The following FRMD4A variants were observed in gnomAD, a reference collection of about 807,000 sequenced individuals.
The protein encoded by FRMD4A is FERM domain containing 4A, also known as FERM domain-containing protein 4A.
A neutral mutation model predicts 129.1 loss-of-function variants in FRMD4A; 29 were observed. That is an observed-to-expected ratio of 0.22 (90% CI 0.17 to 0.31). FRMD4A has a LOEUF of 0.31. Ranked by LOEUF, FRMD4A falls within the 10% of genes least tolerant of loss-of-function variation. The probability of loss-of-function intolerance (pLI) is 1.00; values close to 1 mark genes in which losing one functional copy is unlikely to be tolerated. For missense variants in FRMD4A, 1,272 were observed against 1,375.8 expected, an observed-to-expected ratio of 0.92 and a Z score of 1.19; for synonymous variants, 634 against 571.6, an observed-to-expected ratio of 1.11 and a Z score of -1.56.
chr10:13,994,149 C>G (rs1385375602), intron 2 of FRMD4A, among the ~76,000 whole-genome samples: 1 of 146,710 alleles, frequency 6.8e-6, no homozygotes, highest in African/African-American at 2.5e-5. Context: ...GCTGGGATGA[C>G]AGGAGTGTGC....
rs556447189 is a variant in FRMD4A at position 14,245,226 on chromosome 10, G to T, written c.45+84832C>A. Among the ~76,000 whole-genome samples the T allele has an allele frequency of 2.6e-5, 4 of 152,280 alleles. No homozygotes were observed. The South Asian group carries it at 8.3e-4, about 32-fold the overall frequency. The stretch of plus-strand genomic sequence containing the variant: ...TGGGATCAGTGGCAGTGGAGGACAT[G>T]GGTCACAGGTCAGCATGGGAGGAGA... On this transcript the variant is annotated intron_variant, in intron 2 of 24. Transcript: ENST00000357447.
intron 2 of FRMD4A, among the ~76,000 whole-genome samples, chr10:14,111,956 AGGAGG>A (rs1167648450): frequency 5.3e-4 from 45 of 84,228 alleles, no homozygotes; most frequent in South Asian, 1.0e-3. Context: ...AGGGAGGGAG[AGGAGG>A]GGAGGGGAGG....
At chr10:13,770,854 C>G (rs74121873) in intron 6 of FRMD4A, among the ~76,000 whole-genome samples, 2 of 152,088 alleles carry the variant, frequency 1.3e-5, no homozygotes, top group African/African-American at 2.4e-5. Flanking sequence ...TCTCATACCC[C>G]CTCTGTCCTA....
chr10:13,735,193 C>T (rs1297981346), intron 12 of FRMD4A, among the ~76,000 whole-genome samples: 2 of 152,100 alleles, frequency 1.3e-5, no homozygotes, highest in Non-Finnish European at 2.9e-5. Context: ...TTTTTTTGAG[C>T]GAATGAATGA....
chr10:13,971,955 C>T, intron 2 of FRMD4A: 3 of 1,206,630 alleles, frequency 2.5e-6, no homozygotes, highest in African/African-American at 1.6e-5. Flanking sequence ...TCTCCTCCCC[C>T]TACCTACCCT....
rs150649135 is a variant in FRMD4A, at chr10:14,272,832, T to A, written c.45+57226A>T. Among the ~76,000 whole-genome samples the A allele has an allele frequency of 4.3e-4, 66 of 152,322 alleles. No homozygotes were observed. In the East Asian group the frequency reaches 0.012, roughly 28 times the overall value. On this transcript the variant is annotated intron_variant, in intron 2 of 24. Coordinates refer to ENST00000357447, the MANE Select transcript of FRMD4A (RefSeq NM_018027.5). ...GGCTTGAATTTCACTTTCTCAGATG[T>A]GTTTGAGGTTAGTATTTGAACCAAT...
chr10:13,814,721 A>G (rs1171876423), intron 3 of FRMD4A, among the ~76,000 whole-genome samples: 2 of 152,128 alleles, frequency 1.3e-5, no homozygotes, highest in East Asian at 1.9e-4. Flanking sequence ...TTTAAAGCCT[A>G]CATCTCAACA....
At chr10:14,134,412 G>C (rs1839426119) in intron 2 of FRMD4A, among the ~76,000 whole-genome samples, 1 of 151,546 alleles carries the variant, frequency 6.6e-6, no homozygotes, top group South Asian at 2.1e-4. Context: ...TGGATGGATG[G>C]ATGGGGGATA....
intron 2 of FRMD4A, among the ~76,000 whole-genome samples, chr10:13,905,919 TG>T (rs948349573): frequency 3.3e-5 from 5 of 152,208 alleles, no homozygotes; most frequent in Admixed American, 2.0e-4. Flanking sequence ...AGGAAAGAAT[TG>T]GAAGTTTAAG....
chr10:13,948,566 A>C (rs2095349164), intron 2 of FRMD4A, among the ~76,000 whole-genome samples: 1 of 151,876 alleles, frequency 6.6e-6, no homozygotes, highest in South Asian at 2.1e-4. Flanking sequence ...AGGCAGCTCT[A>C]GGGTACAGCA....
intron 2 of FRMD4A, among the ~76,000 whole-genome samples, chr10:14,298,657 C>T (rs546228165): frequency 6.6e-6 from 1 of 152,280 alleles, no homozygotes; most frequent in South Asian, 2.1e-4. Context: ...CTTGTGGTGG[C>T]CACTTTTTGA....
intron 2 of FRMD4A, among the ~76,000 whole-genome samples, chr10:13,921,171 G>C (rs2095066478): frequency 1.3e-5 from 2 of 152,108 alleles, no homozygotes; most frequent in African/African-American, 4.8e-5. Flanking sequence ...ATGGTAGAAA[G>C]GAAAAGGGAC....
At chr10:14,053,998 C>A (rs1288801130) in intron 2 of FRMD4A, among the ~76,000 whole-genome samples, 1 of 152,084 alleles carries the variant, frequency 6.6e-6, no homozygotes, top group South Asian at 2.1e-4. Context: ...TAGAGTGAGA[C>A]CCTGTCCCTA....
chr10:14,145,148 G>A (rs1840014487), intron 2 of FRMD4A, among the ~76,000 whole-genome samples: 1 of 152,146 alleles, frequency 6.6e-6, no homozygotes, highest in Non-Finnish European at 1.5e-5. Context: ...ACATGCGGAG[G>A]CATCAATAAT....
chr10:13,815,766 T>C (rs897285385), intron 3 of FRMD4A, among the ~76,000 whole-genome samples: 1 of 152,172 alleles, frequency 6.6e-6, no homozygotes, highest in Non-Finnish European at 1.5e-5. Flanking sequence ...GATTTATACA[T>C]CAGTACTTTC....
In FRMD4A at chr10:13,943,368, G is replaced by A. The variant is rs111779541; in HGVS notation, c.46-84456C>T. ...ATTTGTTGAAAAGGAGACCCACATC[G>A]GCCAGGTGCGGTGATTCACGCCTGT... On this transcript the variant is annotated intron_variant, in intron 2 of 24. Transcript: ENST00000357447. 9.2e-5 allele frequency among the ~76,000 whole-genome samples: 14 copies of A among 152,058 alleles called. No individual in the cohort carries two copies. The South Asian group carries it at 1.0e-3, about 11-fold the overall frequency.
intron 17 of FRMD4A, among the ~76,000 whole-genome samples, chr10:13,666,590 C>T (rs981017424): frequency 8.5e-5 from 13 of 152,178 alleles, no homozygotes; most frequent in Admixed American, 1.3e-4. Context: ...GTTTAGGGAT[C>T]GCTTGGCTGT....
intron 2 of FRMD4A, among the ~76,000 whole-genome samples, chr10:14,228,814 A>G (rs1843537692): frequency 6.6e-6 from 1 of 152,182 alleles, no homozygotes; most frequent in South Asian, 2.1e-4. Flanking sequence ...GACATGAAGA[A>G]AAATTACAAT....
At chr10:14,209,961 G>A (rs1589170077) in intron 2 of FRMD4A, among the ~76,000 whole-genome samples, 1 of 152,192 alleles carries the variant, frequency 6.6e-6, no homozygotes, top group East Asian at 1.9e-4. Context: ...GGAGTGATGA[G>A]GCCACAAGGC....
Sources: gnomAD v4.1 joint callset for allele counts (sites outside exome capture counted in the v4.1 genomes callset) on GRCh38, gnomAD v4.1.1 for gene constraint, MANE v1.5 for transcripts, NCBI Gene and HGNC (gene_info 2026-07-23, HGNC 2026-07-21) for gene names.